The following GLRA3 variants were observed in gnomAD, a reference collection of about 807,000 sequenced individuals.
The protein encoded by GLRA3 is glycine receptor subunit alpha-3.
A neutral mutation model predicts 60.4 loss-of-function variants in GLRA3; 44 were observed. The ratio of observed to expected loss-of-function variants is 0.73; its 90% CI spans 0.57 to 0.94. GLRA3 has a LOEUF of 0.94. Among genes scored for constraint, GLRA3 ranks in the 40% least tolerant of loss-of-function variants. The probability of loss-of-function intolerance (pLI) is 0.00; values close to 1 mark genes in which losing one functional copy is unlikely to be tolerated. For synonymous variants in GLRA3, 223 were observed against 192.9 expected (o/e 1.16, Z -1.29); for missense variants, 508 against 564.6 (o/e 0.90, Z 1.02).
At chr4:174,823,186 C>A (rs1264759494) in intron 1 of GLRA3, among the ~76,000 whole-genome samples, 1 of 151,878 alleles carries the variant, frequency 6.6e-6, no homozygotes, top group Non-Finnish European at 1.5e-5. Context: ...TTTCCCCAAG[C>A]AAAATAAAGC....
At chr4:174,763,834 C>T (rs909323788) in intron 3 of GLRA3, among the ~76,000 whole-genome samples, 1 of 152,000 alleles carries the variant, frequency 6.6e-6, no homozygotes, top group Non-Finnish European at 1.5e-5. Context: ...TTTTTAAGAA[C>T]GGGAATTTCC....
chr4:174,771,006 C>G (rs1186015013), intron 2 of GLRA3, among the ~76,000 whole-genome samples: 2 of 143,786 alleles, frequency 1.4e-5, no homozygotes, highest in Non-Finnish European at 3.0e-5. Flanking sequence ...ACCACATGTT[C>G]TCACTCATAG....
chr4:174,663,665 C>T, intron 7 of GLRA3, among the ~76,000 whole-genome samples: 1 of 152,296 alleles, frequency 6.6e-6, no homozygotes, highest in South Asian at 2.1e-4. Flanking sequence ...TCCATTCTAG[C>T]TTCTCCGCCA....
rs559460476 is a variant in GLRA3, at chr4:174,793,977, A to C, written c.72-5034T>G. On this transcript the variant is annotated intron_variant, in intron 1 of 9. Coordinates refer to ENST00000274093, the MANE Select transcript of GLRA3 (RefSeq NM_006529.4). ...CTACCAACAACTTTGACAAAAAAGT[A>C]ATTTTATTTATCTAGGCAGACCAAT... Among the ~76,000 whole-genome samples, 21 of 152,260 alleles carry C rather than the reference A, an allele frequency of 1.4e-4. No homozygotes were observed. In the South Asian group the frequency reaches 4.1e-3, roughly 30 times the overall value.
At position 174,828,947 on chromosome 4, in the gene GLRA3, A is replaced by G; in HGVS notation, c.-136T>C. ...GATGCTTGGGAAGCTTCAGCACCTT[A>G]GACAGCTCCCCGCAGTATGCGGACC... On this transcript the variant is annotated 5_prime_UTR_variant, in exon 1 of 10. Coordinates refer to ENST00000274093, the MANE Select transcript of GLRA3 (RefSeq NM_006529.4). The G allele has an allele frequency of 1.5e-6, 1 of 674,656 alleles. No individual in the cohort carries two copies. Among genetic ancestry groups the G allele is most frequent in the Non-Finnish European group, 2.7e-6 (1 of 368,844 alleles). The allele number at this position is 674,656 out of a possible 1,614,324, so 41.8% of individuals were successfully genotyped here.
intron 5 of GLRA3, among the ~76,000 whole-genome samples, chr4:174,700,166 C>T (rs77116112): frequency 9.5e-4 from 144 of 152,178 alleles, no homozygotes; most frequent in African/African-American, 3.2e-3. Context: ...TTAACTATAG[C>T]CAGAGAAATT....
At chr4:174,669,540 T>C (rs1733826220) in intron 7 of GLRA3, among the ~76,000 whole-genome samples, 1 of 152,144 alleles carries the variant, frequency 6.6e-6, no homozygotes, top group Non-Finnish European at 1.5e-5. Flanking sequence ...TGAATGATGC[T>C]TCTAACACAA....
Position 174,637,071 on chromosome 4 carries a change from T to A in GLRA3, c.*6715A>T, listed in dbSNP as rs1579371214. ...TATAATATAATGAAAAACAAGTTGA[T>A]GAAATCGTGCATAAATTTTTAAATA... On this transcript the variant is annotated 3_prime_UTR_variant, in exon 10 of 10. Transcript: ENST00000274093. The A allele has an allele frequency of 1.3e-5, 2 of 152,204 alleles. No individual in the cohort carries two copies. Among genetic ancestry groups the A allele is most frequent in the East Asian group, 1.9e-4 (1 of 5,196 alleles). The allele number at this position is 152,204 out of a possible 1,614,324, so 9.4% of individuals were successfully genotyped here. A position where few individuals can be genotyped will look rare whatever the true frequency, so the allele number is the denominator to read the frequency against.
At chr4:174,792,035 T>C (rs925425870) in intron 1 of GLRA3, among the ~76,000 whole-genome samples, 2 of 152,190 alleles carry the variant, frequency 1.3e-5, no homozygotes, top group African/African-American at 2.4e-5. Context: ...TTCTGTGTCA[T>C]GGGGTCATAC....
intron 3 of GLRA3, 54 bp from the exon 4 acceptor site, chr4:174,728,752 A>G: frequency 8.6e-7 from 1 of 1,163,144 alleles, no homozygotes; most frequent in Non-Finnish European, 1.2e-6. Flanking sequence ...TAAAAAGTTT[A>G]AAATCCATAG....
intron 1 of GLRA3, among the ~76,000 whole-genome samples, chr4:174,806,080 T>A (rs1422956463): frequency 3.9e-5 from 6 of 152,184 alleles, no homozygotes; most frequent in Non-Finnish European, 8.8e-5. Flanking sequence ...TCCTGAAGCT[T>A]ATAACTCCTG....
chr4:174,824,556 AGTT>A (rs1020504793), intron 1 of GLRA3, among the ~76,000 whole-genome samples: 70 of 152,180 alleles, frequency 4.6e-4, no homozygotes, highest in African/African-American at 1.6e-3. Flanking sequence ...CTAGCTCAAT[AGTT>A]GTTGTTAGTA....
Position 174,755,252 on chromosome 4 carries a change from T to G in GLRA3, c.267+11711A>C, listed in dbSNP as rs114120478. On this transcript the variant is annotated intron_variant, in intron 3 of 9. Coordinates refer to ENST00000274093, the MANE Select transcript of GLRA3 (RefSeq NM_006529.4). ...TTACATATATTTGACAATATAAACTTAAGAGCTACTTTATGCTGAGCATGT... is the reference window on the plus strand; with the variant it reads ...TTACATATATTTGACAATATAAACTGAAGAGCTACTTTATGCTGAGCATGT... 1.8e-3 allele frequency among the ~76,000 whole-genome samples: 272 copies of G among 152,248 alleles called. 1 individual carries two copies. Among genetic ancestry groups the G allele is most frequent in the African/African-American group, 6.2e-3 (256 of 41,564 alleles).
chr4:174,741,312 TA>T (rs1451971459), intron 3 of GLRA3, among the ~76,000 whole-genome samples: 1 of 152,232 alleles, frequency 6.6e-6, no homozygotes, highest in Non-Finnish European at 1.5e-5. Flanking sequence ...ATTGTGGTTT[TA>T]ATTTGCATTT....
chr4:174,823,081 T>C (rs1017036096), intron 1 of GLRA3, among the ~76,000 whole-genome samples: 4 of 152,156 alleles, frequency 2.6e-5, no homozygotes, highest in Admixed American at 2.6e-4. Flanking sequence ...TCATTCCATA[T>C]ATACACTGTT....
At chr4:174,746,268 TA>T (rs755676187) in intron 3 of GLRA3, among the ~76,000 whole-genome samples, 1 of 151,944 alleles carries the variant, frequency 6.6e-6, no homozygotes, top group Non-Finnish European at 1.5e-5. Flanking sequence ...GGTGAATGAG[TA>T]AAGAAAATGT....
intron 7 of GLRA3, 117 bp from the exon 8 acceptor site, chr4:174,659,314 TA>T (rs1447206828): frequency 5.2e-5 from 36 of 696,916 alleles, no homozygotes; most frequent in Non-Finnish European, 7.6e-5. Flanking sequence ...TTTTAAAAAA[TA>T]AAGAAAATGA....
chr4:174,797,489 T>A (rs1219784904), intron 1 of GLRA3, among the ~76,000 whole-genome samples: 1 of 152,132 alleles, frequency 6.6e-6, no homozygotes, highest in African/African-American at 2.4e-5. Context: ...ATCAATGAAT[T>A]TTTTTTAACT....
chr4:174,662,565 A>AT (rs1442483511), intron 7 of GLRA3, among the ~76,000 whole-genome samples: 1 of 152,156 alleles, frequency 6.6e-6, no homozygotes, highest in Admixed American at 6.5e-5. Flanking sequence ...TAGTGCAGCT[A>AT]TTTTTATGAA....
Sources: gnomAD v4.1 joint callset for allele counts (sites outside exome capture counted in the v4.1 genomes callset) on GRCh38, gnomAD v4.1.1 for gene constraint, MANE v1.5 for transcripts, NCBI Gene and HGNC (gene_info 2026-07-23, HGNC 2026-07-21) for gene names.